ALCAM: variants seen among roughly 807,000 people sequenced by gnomAD.
ALCAM encodes the protein activated leukocyte cell adhesion molecule.
ALCAM carries 30 observed loss-of-function variants against 70.9 expected under a neutral mutation model. The ratio of observed to expected loss-of-function variants is 0.42; its 90% CI spans 0.32 to 0.57. The LOEUF (loss-of-function observed/expected upper bound fraction) is 0.57. ALCAM is among the 20% of genes least tolerant of loss of function. ALCAM has a pLI of 0.11. For synonymous variants in ALCAM, 249 were observed against 242.5 expected (o/e 1.03, Z -0.25); for missense variants, 591 against 695.1 (o/e 0.85, Z 1.68).
chr3:105,550,836 C>T (rs1246248550), intron 12 of ALCAM, among the ~76,000 whole-genome samples: 1 of 151,590 alleles, frequency 6.6e-6, no homozygotes, highest in East Asian at 1.9e-4. Flanking sequence ...GTGAAACTAT[C>T]TCAGAGAATG....
At chr3:105,431,150 A>C (rs1164349441) in intron 1 of ALCAM, among the ~76,000 whole-genome samples, 5 of 152,048 alleles carry the variant, frequency 3.3e-5, no homozygotes, top group Admixed American at 6.6e-5. Flanking sequence ...AACAAAAAAA[A>C]AAAAAAGAGG....
At position 105,563,667 on chromosome 3, in the gene ALCAM, C is replaced by CTTTTTTTT. The variant is rs749625480; in HGVS notation, c.1665-8161_1665-8154dup. On this transcript the variant is annotated intron_variant, in intron 14 of 15. Transcript: ENST00000306107. Reference sequence around the variant, plus strand: ...GACCTGTATGAAATTCCAAGCATTTCTTTTTTTTTTTTTTTTTTTTTTTTT... The same window carrying CTTTTTTTT: ...GACCTGTATGAAATTCCAAGCATTTCTTTTTTTTTTTTTTTTTTTTTTTTTTTTTTTTT... Among the ~76,000 whole-genome samples, 159 of 52,044 alleles carry CTTTTTTTT rather than the reference C, an allele frequency of 3.1e-3. 22 individuals are homozygous for CTTTTTTTT. Among genetic ancestry groups the CTTTTTTTT allele is most frequent in the African/African-American group, 3.9e-3 (39 of 9,896 alleles). 34.1% of individuals were successfully genotyped at this position (52,044 alleles called of 152,430 possible). A position where few individuals can be genotyped will look rare whatever the true frequency, so the allele number is the denominator to read the frequency against.
intron 1 of ALCAM, among the ~76,000 whole-genome samples, chr3:105,430,349 G>T (rs373267216): frequency 1.3e-5 from 2 of 151,580 alleles, no homozygotes; most frequent in South Asian, 4.2e-4. Flanking sequence ...TTTAGTCATC[G>T]TGTCTCTAAG....
intron 3 of ALCAM, among the ~76,000 whole-genome samples, chr3:105,528,339 T>G (rs773949820): frequency 1.9e-4 from 29 of 152,250 alleles, no homozygotes; most frequent in Non-Finnish European, 4.1e-4. Context: ...GTCTGGGTAT[T>G]AGAACAAAAG....
At chr3:105,427,812 G>T (rs1215380164) in intron 1 of ALCAM, among the ~76,000 whole-genome samples, 1 of 151,738 alleles carries the variant, frequency 6.6e-6, no homozygotes, top group Non-Finnish European at 1.5e-5. Context: ...GCTTCCATAG[G>T]CTCTTCTGAA....
intron 1 of ALCAM, among the ~76,000 whole-genome samples, chr3:105,372,497 T>A (rs1039910724): frequency 1.3e-5 from 2 of 152,150 alleles, no homozygotes; most frequent in African/African-American, 4.8e-5. Flanking sequence ...TGAAATTAGC[T>A]TTTAATGCTT....
At position 105,480,307 on chromosome 3, in the gene ALCAM, G is replaced by A. The variant is rs1318933190; in HGVS notation, c.74-39760G>A. Among the ~76,000 whole-genome samples, 14 of 151,854 alleles carry A rather than the reference G, an allele frequency of 9.2e-5. 1 individual carries two copies. The highest frequency in any genetic ancestry group is 7.9e-4 in the Admixed American group (12 of 15,214). ...AGAGGGTGCAGTAAGCCGAGATCAC[G>A]CCATTGCACTCCAGAGCCTGGGCAG... On this transcript the variant is annotated intron_variant, in intron 1 of 15. Coordinates refer to ENST00000306107, the MANE Select transcript of ALCAM (RefSeq NM_001627.4).
At chr3:105,368,497 C>T (rs763178533) in intron 1 of ALCAM, among the ~76,000 whole-genome samples, 1 of 151,734 alleles carries the variant, frequency 6.6e-6, no homozygotes, top group Non-Finnish European at 1.5e-5. Flanking sequence ...TCTATCCCTG[C>T]GTAGACAGTT....
intron 1 of ALCAM, among the ~76,000 whole-genome samples, chr3:105,432,220 G>C (rs924173227): frequency 3.9e-5 from 6 of 152,064 alleles, no homozygotes; most frequent in Admixed American, 2.6e-4. Flanking sequence ...TTTAGGGTTT[G>C]TTTAAATTAA....
intron 14 of ALCAM, chr3:105,553,108 C>T: frequency 3.1e-6 from 3 of 982,556 alleles, no homozygotes; most frequent in Non-Finnish European, 3.6e-6. Flanking sequence ...ATTATGTCAA[C>T]TTGAGTTTTT....
intron 1 of ALCAM, among the ~76,000 whole-genome samples, chr3:105,408,514 A>C (rs143806078): frequency 0.015 from 2,342 of 152,202 alleles, 26 homozygotes; most frequent in Middle Eastern, 0.048. Flanking sequence ...GAAGAATGAA[A>C]CTGGATTCTC....
chr3:105,410,933 T>C (rs1936372463), intron 1 of ALCAM, among the ~76,000 whole-genome samples: 1 of 152,080 alleles, frequency 6.6e-6, no homozygotes, highest in Non-Finnish European at 1.5e-5. Flanking sequence ...ATTGTAGACC[T>C]TTTTAAGGAA....
intron 15 of ALCAM, 124 bp from the exon 16 acceptor site, chr3:105,574,353 T>G (rs774825777): frequency 3.9e-5 from 6 of 152,150 alleles, no homozygotes; most frequent in Non-Finnish European, 8.8e-5. Flanking sequence ...TTGGGGACAA[T>G]GGAGTTTTAT....
intron 15 of ALCAM, 57 bp from the exon 16 acceptor site, chr3:105,574,420 G>A (rs1182697946): frequency 6.6e-6 from 1 of 151,892 alleles, no homozygotes; most frequent in Non-Finnish European, 1.5e-5. Flanking sequence ...AGTATCTGTT[G>A]ATGTTAAAAA....
At position 105,443,978 on chromosome 3, in the gene ALCAM, T is replaced by C. The variant is rs553196830; in HGVS notation, c.74-76089T>C. 3.3e-5 allele frequency among the ~76,000 whole-genome samples: 5 copies of C among 152,324 alleles called. No homozygotes were observed. The South Asian group carries it at 1.0e-3, about 32-fold the overall frequency. ...ATTCTAGGGTAATTTTATAGCACAG[T>C]ATAAGTGCTGAACTTGTGTTATACC... On this transcript the variant is annotated intron_variant, in intron 1 of 15. Coordinates refer to ENST00000306107, the MANE Select transcript of ALCAM (RefSeq NM_001627.4).
chr3:105,545,110 A>G (rs1940212491), intron 8 of ALCAM, 113 bp from the exon 9 acceptor site: 2 of 735,020 alleles, frequency 2.7e-6, no homozygotes, highest in Non-Finnish European at 4.9e-6. Context: ...TCAGTTCTGA[A>G]TGTTCAAATG....
At chr3:105,490,358 G>A (rs1370494879) in intron 1 of ALCAM, among the ~76,000 whole-genome samples, 3 of 152,340 alleles carry the variant, frequency 2.0e-5, no homozygotes, top group Non-Finnish European at 4.4e-5. Context: ...AGAAACTGGT[G>A]TATAAATAAA....
At chr3:105,383,192 G>T (rs895288801) in intron 1 of ALCAM, among the ~76,000 whole-genome samples, 3 of 151,564 alleles carry the variant, frequency 2.0e-5, no homozygotes, top group African/African-American at 7.3e-5. Context: ...TCTCTCTAAG[G>T]TGCCTGTCCT....
intron 1 of ALCAM, among the ~76,000 whole-genome samples, chr3:105,513,115 A>G (rs1025946308): frequency 2.1e-5 from 3 of 142,942 alleles, no homozygotes; most frequent in African/African-American, 7.8e-5. Context: ...CATACAGAGC[A>G]TGAAGTATTT....
Sources: allele counts gnomAD v4.1 joint callset (sites outside exome capture counted in the v4.1 genomes callset), GRCh38; gene constraint gnomAD v4.1.1; transcripts MANE v1.5; gene names NCBI Gene and HGNC (gene_info 2026-07-23, HGNC 2026-07-21).